The following DPCD variants were observed in gnomAD, a reference collection of about 807,000 sequenced individuals.
DPCD encodes deleted in primary ciliary dyskinesia homolog (mouse).
DPCD carries 20 observed loss-of-function variants against 26.4 expected under a neutral mutation model. The ratio of observed to expected loss-of-function variants is 0.76; its 90% CI spans 0.53 to 1.10. The LOEUF (loss-of-function observed/expected upper bound fraction) is 1.10. Among genes scored for constraint, DPCD ranks in the 50% least tolerant of loss-of-function variants. DPCD has a pLI of 0.00. For missense variants in DPCD, 202 were observed against 253.9 expected, an observed-to-expected ratio of 0.80 and a Z score of 1.39; for synonymous variants, 97 against 94.2, an observed-to-expected ratio of 1.03 and a Z score of -0.17.
At chr10:101,605,461 T>G (rs1207913599) in intron 4 of DPCD, among the ~76,000 whole-genome samples, 2 of 152,198 alleles carry the variant, frequency 1.3e-5, no homozygotes, top group African/African-American at 2.4e-5. Context: ...CCCTTTGACA[T>G]TGACTTCAAG....
At chr10:101,597,582 C>A (rs1202760210) in intron 2 of DPCD, among the ~76,000 whole-genome samples, 1 of 152,194 alleles carries the variant, frequency 6.6e-6, no homozygotes, top group East Asian at 1.9e-4. Context: ...AGGAAAAAGC[C>A]CCCAGGCGCC....
intron 4 of DPCD, among the ~76,000 whole-genome samples, chr10:101,604,322 G>A (rs1286706520): frequency 6.6e-6 from 1 of 152,216 alleles, no homozygotes; most frequent in African/African-American, 2.4e-5. Context: ...TCAGACATCT[G>A]CACTTCAGAA....
chr10:101,608,786 G>A (rs2063750547), intron 4 of DPCD, 49 bp from the exon 5 acceptor site: 2 of 1,339,838 alleles, frequency 1.5e-6, no homozygotes, highest in Non-Finnish European at 2.1e-6. Flanking sequence ...ACGCCTGGCT[G>A]TTGGGTCACC....
At chr10:101,602,433 G>C (rs1443543716) in intron 4 of DPCD, among the ~76,000 whole-genome samples, 3 of 152,242 alleles carry the variant, frequency 2.0e-5, no homozygotes, top group Non-Finnish European at 1.5e-5. Flanking sequence ...CTTTGGCAGG[G>C]TTAAGAGGAC....
chr10:101,597,344 T>G (rs2134763536), intron 2 of DPCD, among the ~76,000 whole-genome samples: 1 of 152,352 alleles, frequency 6.6e-6, no homozygotes, highest in South Asian at 2.1e-4. Flanking sequence ...GCTGTTTAAT[T>G]GCCACATAGC....
Position 101,608,910 on chromosome 10 carries a change from C to T in DPCD, c.480C>T (p.Ala160=). Reference sequence around the variant, plus strand: ...TGGATGACGCCTTGCTGAGCTTTGCCCACGCCAACTGCACCCTGATCATCT... The same window carrying T: ...TGGATGACGCCTTGCTGAGCTTTGCTCACGCCAACTGCACCCTGATCATCT... ...LPLDDALLSF[A]HANCTLIISY... The change falls in exon 5 of 6, where the codon GCC becomes GCT. Residue 160 remains alanine, a synonymous_variant. Transcript: ENST00000370151. The T allele has an allele frequency of 6.2e-7, 1 of 1,613,564 alleles. No individual in the cohort carries two copies. The highest frequency in any genetic ancestry group is 8.5e-7 in the Non-Finnish European group (1 of 1,179,828).
chr10:101,589,585 A>G (rs1424158629), intron 1 of DPCD, among the ~76,000 whole-genome samples: 1 of 152,204 alleles, frequency 6.6e-6, no homozygotes, highest in Non-Finnish European at 1.5e-5. Context: ...TCTACAAAAA[A>G]TACGGAAATT....
chr10:101,608,167 G>A (rs1180067510), intron 4 of DPCD, among the ~76,000 whole-genome samples: 3 of 152,142 alleles, frequency 2.0e-5, no homozygotes, highest in Non-Finnish European at 4.4e-5. Flanking sequence ...TAAGGACCAT[G>A]TGTGATATGT....
At chr10:101,608,018 GAGT>G (rs2063744561) in intron 4 of DPCD, among the ~76,000 whole-genome samples, 1 of 152,106 alleles carries the variant, frequency 6.6e-6, no homozygotes, top group South Asian at 2.1e-4. Flanking sequence ...CTCTGAGCCC[GAGT>G]TCCCTTTTAG....
chr10:101,595,296 C>G (rs868547850), intron 2 of DPCD, among the ~76,000 whole-genome samples: 1 of 152,168 alleles, frequency 6.6e-6, no homozygotes. Context: ...CCTCTAAGAA[C>G]AGGCTCATGG....
In DPCD at chr10:101,600,637, C is replaced by A; in HGVS notation, c.146-101C>A. 1 of 1,494,714 alleles carries A rather than the reference C, an allele frequency of 6.7e-7. No individual in the cohort carries two copies. Among genetic ancestry groups the A allele is most frequent in the Non-Finnish European group, 9.0e-7 (1 of 1,115,442 alleles). 92.6% of individuals were successfully genotyped at this position (1,494,714 alleles called of 1,614,324 possible). ...TCCCACTTTCATCTTGTGCTAGTTA[C>A]CTAGTGTGGTGCCGGTGATTCAGCA... is the stretch of plus-strand genomic sequence containing the variant. On this transcript the variant is annotated intron_variant, in intron 2 of 5. Coordinates refer to ENST00000370151, the MANE Select transcript of DPCD (RefSeq NM_015448.3). The surrounding 1 kb of genome is among the most constrained non-coding windows in gnomAD (Gnocchi z 4.7).
rs750386141 is a variant in DPCD, at chr10:101,609,503, G to C, written c.*32G>C. On this transcript the variant is annotated 3_prime_UTR_variant, in exon 6 of 6. Coordinates refer to ENST00000370151, the MANE Select transcript of DPCD (RefSeq NM_015448.3). ...CCTGAGCCTTATACCTCCACCACAG[G>C]GGGTGCCGTGAGACTTCAAGGCTTG... The C allele has an allele frequency of 1.9e-5, 31 of 1,599,002 alleles. No individual in the cohort carries two copies. In the South Asian group the frequency reaches 2.9e-4, roughly 15 times the overall value.
At chr10:101,591,572 C>A (rs1435657188) in intron 1 of DPCD, among the ~76,000 whole-genome samples, 2 of 151,824 alleles carry the variant, frequency 1.3e-5, no homozygotes, top group Admixed American at 6.6e-5. Context: ...ATATCTTGGG[C>A]TGGATAATGA....
rs775861439 is a variant in DPCD at position 101,608,936 on chromosome 10, C to A, written c.506C>A (p.Ser169Tyr). The change falls in exon 5 of 6, where the codon TCT (serine) becomes TAT (tyrosine). Residue 169 changes from serine to tyrosine, a missense_variant and splice_region_variant. Ser to Tyr is a moderately radical substitution (Grantham distance 144). Around this residue, in one of 3 missense-constraint regions of DPCD, gnomAD observed 118 missense variants for 145.1 expected, o/e 0.81. Transcript: ENST00000370151. ...CACGCCAACTGCACCCTGATCATCT[C>A]TGTAAGATTCACCCAGACTTCTTGG... ...FAHANCTLII[S>Y]YQKPKEVVVA... 6.2e-7 allele frequency: 1 copy of A among 1,611,026 alleles called. No individual in the cohort carries two copies. Among genetic ancestry groups the A allele is most frequent in the South Asian group, 1.1e-5 (1 of 91,034 alleles).
intron 4 of DPCD, 55 bp from the exon 5 acceptor site, chr10:101,608,780 C>G (rs2063750502): frequency 6.4e-6 from 8 of 1,255,746 alleles, no homozygotes; most frequent in Non-Finnish European, 7.0e-6. Context: ...GGCCTGACGC[C>G]TGGCTGTTGG....
intron 5 of DPCD, among the ~76,000 whole-genome samples, 154 bp from the exon 6 acceptor site, chr10:101,609,213 C>G (rs991729295): frequency 1.3e-5 from 2 of 152,212 alleles, no homozygotes; most frequent in Non-Finnish European, 2.9e-5. Flanking sequence ...TCTGCTCCTA[C>G]TCAGGCACAT....
At chr10:101,608,040 G>C (rs1169333602) in intron 4 of DPCD, among the ~76,000 whole-genome samples, 1 of 152,088 alleles carries the variant, frequency 6.6e-6, no homozygotes, top group African/African-American at 2.4e-5. Flanking sequence ...AGGTAAGGGG[G>C]GTCAAATTTC....
intron 3 of DPCD, among the ~76,000 whole-genome samples, 159 bp downstream of exon 3, chr10:101,601,021 C>T (rs2063692902): frequency 6.6e-6 from 1 of 152,126 alleles, no homozygotes; most frequent in Non-Finnish European, 1.5e-5. Flanking sequence ...TGAATACAGA[C>T]ATTTTGGCTT....
At chr10:101,595,190 T>A (rs1279793031) in intron 2 of DPCD, among the ~76,000 whole-genome samples, 1 of 152,236 alleles carries the variant, frequency 6.6e-6, no homozygotes, top group Non-Finnish European at 1.5e-5. Context: ...AAGGCAACAC[T>A]ATAAAATATG....
Sources: gnomAD v4.1 joint callset for allele counts (sites outside exome capture counted in the v4.1 genomes callset) on GRCh38, gnomAD v4.1.1 for gene constraint, gnomAD v4.1.1 regional missense constraint, Gnocchi (gnomAD v3.1) non-coding constraint, MANE v1.5 for transcripts, NCBI Gene and HGNC (gene_info 2026-07-23, HGNC 2026-07-21) for gene names.